The following LPXN variants were observed in gnomAD, a reference collection of about 807,000 sequenced individuals.
LPXN encodes the protein leupaxin.
In LPXN, 28 loss-of-function variants were observed where a neutral mutation model predicts 45.6. The ratio of observed to expected loss-of-function variants is 0.61; its 90% CI spans 0.45 to 0.84. The LOEUF (loss-of-function observed/expected upper bound fraction) is 0.84, where lower values mean the gene tolerates loss of function less well. LPXN is among the 40% of genes least tolerant of loss of function. The pLI is 0.00. For missense variants in LPXN, 459 were observed against 475.0 expected, an observed-to-expected ratio of 0.97 and a Z score of 0.31; for synonymous variants, 166 against 169.9, an observed-to-expected ratio of 0.98 and a Z score of 0.18.
intron 7 of LPXN, among the ~76,000 whole-genome samples, chr11:58,548,761 A>T (rs368976459): frequency 1.3e-5 from 2 of 152,332 alleles, no homozygotes; most frequent in South Asian, 2.1e-4. Context: ...TGATGAGGAA[A>T]GTAAGGTACA....
chr11:58,551,351 C>T, intron 4 of LPXN, 119 bp from the exon 5 acceptor site: 1 of 752,178 alleles, frequency 1.3e-6, no homozygotes, highest in Non-Finnish European at 1.9e-6. Context: ...CCCAACCTTC[C>T]TGCAAGACAT....
intron 7 of LPXN, among the ~76,000 whole-genome samples, chr11:58,529,989 A>G (rs953134374): frequency 6.6e-6 from 1 of 152,172 alleles, no homozygotes; most frequent in Non-Finnish European, 1.5e-5. Context: ...GCCGTGAGGA[A>G]CAGTGCACTC....
At chr11:58,533,576 T>C (rs1253277047) in intron 7 of LPXN, among the ~76,000 whole-genome samples, 2 of 152,134 alleles carry the variant, frequency 1.3e-5, no homozygotes, top group African/African-American at 4.8e-5. Context: ...CATACCAAAT[T>C]GTAAAGACCA....
At position 58,527,698 on chromosome 11, in the gene LPXN, C is replaced by G; in HGVS notation, c.917G>C (p.Gly306Ala). The G allele has an allele frequency of 6.2e-7, 1 of 1,613,744 alleles. No individual in the cohort carries two copies. The change falls in exon 9 of 9, where the codon GGC becomes GCC. Residue 306 changes from glycine to alanine, a missense_variant. Gly to Ala is a moderately conservative substitution (Grantham distance 60). Coordinates refer to ENST00000395074, the MANE Select transcript of LPXN (RefSeq NM_004811.3). The part of the protein sequence containing the change: ...CGDCFTSFST[G>A]SFFELDGRPF... ...ACGTCCATCCAGTTCAAAGAAGGAG[C>G]CAGTAGAAAAACTGGTGAAGCAGTC... is the stretch of plus-strand genomic sequence containing the variant.
Position 58,554,955 on chromosome 11 carries a change from C to G in LPXN, c.219-15G>C. ...CTTGGGCTTCACTATAGAGGGAAAACAAAAAAGTCATATGAACAAATCAAA... is the reference window on the plus strand; with the variant it reads ...CTTGGGCTTCACTATAGAGGGAAAAGAAAAAAGTCATATGAACAAATCAAA... On this transcript the variant is annotated splice_polypyrimidine_tract_variant and intron_variant, in intron 3 of 8. Coordinates refer to ENST00000395074, the MANE Select transcript of LPXN (RefSeq NM_004811.3). The G allele has an allele frequency of 6.5e-7, 1 of 1,536,544 alleles. No homozygotes were observed. Among genetic ancestry groups the G allele is most frequent in the Non-Finnish European group, 9.0e-7 (1 of 1,111,504 alleles).
intron 4 of LPXN, chr11:58,554,076 C>G (rs1156335153): frequency 6.6e-6 from 1 of 152,574 alleles, no homozygotes; most frequent in Non-Finnish European, 1.5e-5. Context: ...CTTTGGGAGG[C>G]CGAGGCAGGT....
intron 7 of LPXN, among the ~76,000 whole-genome samples, chr11:58,548,962 CAG>C (rs918282009): frequency 3.3e-5 from 5 of 152,086 alleles, no homozygotes; most frequent in African/African-American, 9.7e-5. Context: ...ATTGAAAAAA[CAG>C]GGGAGGGGAA....
chr11:58,538,563 A>T (rs1037444451), intron 7 of LPXN, among the ~76,000 whole-genome samples: 2 of 152,146 alleles, frequency 1.3e-5, no homozygotes, highest in African/African-American at 4.8e-5. Flanking sequence ...TGGCTGCATA[A>T]ATGTCTTCTT....
chr11:58,554,298 G>A (rs1160064344), intron 4 of LPXN, among the ~76,000 whole-genome samples: 23 of 152,090 alleles, frequency 1.5e-4, no homozygotes, highest in Admixed American at 1.5e-3. Flanking sequence ...GGGCAACAGA[G>A]CAAGACTCCA....
At chr11:58,575,406 A>G (rs368923494) in intron 1 of LPXN, among the ~76,000 whole-genome samples, 1 of 152,038 alleles carries the variant, frequency 6.6e-6, no homozygotes, top group Non-Finnish European at 1.5e-5. Context: ...ATATCTCTGC[A>G]TTGTCTCGCT....
chr11:58,572,876 T>C (rs767974260), intron 1 of LPXN, among the ~76,000 whole-genome samples: 1 of 152,282 alleles, frequency 6.6e-6, no homozygotes, highest in South Asian at 2.1e-4. Context: ...GGTTGATGGG[T>C]ATATCAGAAT....
At chr11:58,553,857 C>T (rs549963634) in intron 4 of LPXN, 41 of 152,258 alleles carry the variant, frequency 2.7e-4, no homozygotes, top group African/African-American at 9.6e-4. Context: ...GAGCTCACCA[C>T]TTTAGAGGTG....
chr11:58,566,192 T>A (rs1854523271), intron 2 of LPXN, among the ~76,000 whole-genome samples: 1 of 152,238 alleles, frequency 6.6e-6, no homozygotes, highest in South Asian at 2.1e-4. Context: ...GCAATCTTTT[T>A]CAAAACTTCA....
chr11:58,563,014 C>T (rs931366612), intron 3 of LPXN, among the ~76,000 whole-genome samples: 6 of 152,114 alleles, frequency 3.9e-5, no homozygotes, highest in Non-Finnish European at 8.8e-5. Flanking sequence ...AAGAGGGTGT[C>T]AATAAGTTAG....
chr11:58,545,578 GCAAGCTCCAGTGAA>G, intron 7 of LPXN, among the ~76,000 whole-genome samples: 2 of 152,316 alleles, frequency 1.3e-5, no homozygotes, highest in African/African-American at 4.8e-5. Context: ...AAAGCATTGA[GCAAGCTCCAGTGAA>G]CAAGCAAATT....
chr11:58,528,846 ATTTT>A (rs1163566686), intron 7 of LPXN, among the ~76,000 whole-genome samples: 3 of 151,936 alleles, frequency 2.0e-5, no homozygotes, highest in African/African-American at 4.8e-5. Context: ...TCCTTTTTTT[ATTTT>A]TTGTGTGGGT....
intron 8 of LPXN, 30 bp from the exon 9 acceptor site, chr11:58,527,753 A>G: frequency 6.3e-7 from 1 of 1,598,396 alleles, no homozygotes; most frequent in Non-Finnish European, 8.6e-7. Context: ...GAGAAAAAGA[A>G]TGCAAATGTC....
intron 3 of LPXN, among the ~76,000 whole-genome samples, chr11:58,559,940 T>A (rs1007158851): frequency 6.6e-6 from 1 of 152,130 alleles, no homozygotes; most frequent in African/African-American, 2.4e-5. Context: ...TACATAAGTA[T>A]GAATATGCAC....
intron 3 of LPXN, among the ~76,000 whole-genome samples, chr11:58,561,819 CA>C (rs1854386680): frequency 6.6e-6 from 1 of 152,138 alleles, no homozygotes; most frequent in African/African-American, 2.4e-5. Flanking sequence ...TATAATACTC[CA>C]ACAGTTATTG....
Sources: gnomAD v4.1 joint callset for allele counts (sites outside exome capture counted in the v4.1 genomes callset) on GRCh38, gnomAD v4.1.1 for gene constraint, MANE v1.5 for transcripts, NCBI Gene and HGNC (gene_info 2026-07-23, HGNC 2026-07-21) for gene names.